Variants in CTNND2 observed in about 807,000 individuals in gnomAD.
The protein encoded by CTNND2 is catenin delta-2.
Under a neutral mutation model 144.4 loss-of-function variants are expected in CTNND2, and 22 were observed. The ratio of observed to expected loss-of-function variants is 0.15; its 90% CI spans 0.11 to 0.22. CTNND2 has a LOEUF of 0.22. Among genes scored for constraint, CTNND2 ranks in the 10% least tolerant of loss-of-function variants. The pLI, the probability that CTNND2 is intolerant of heterozygous loss-of-function variation, is 1.00. For missense variants in CTNND2, 1,353 were observed against 1,618.8 expected, an observed-to-expected ratio of 0.84 and a Z score of 2.82; for synonymous variants, 751 against 695.6, an observed-to-expected ratio of 1.08 and a Z score of -1.25.
chr5:11,802,653 T>C (rs1024752214), intron 1 of CTNND2, among the ~76,000 whole-genome samples: 3 of 152,228 alleles, frequency 2.0e-5, no homozygotes, highest in Non-Finnish European at 2.9e-5. Context: ...TGTATACACT[T>C]TACCAGGTCA....
Position 11,793,374 on chromosome 5 carries a change from A to C in CTNND2, c.38-61102T>G, listed in dbSNP as rs80051241. 6.2e-3 allele frequency among the ~76,000 whole-genome samples: 940 copies of C among 152,320 alleles called. 3 individuals carry two copies. The highest frequency in any genetic ancestry group is 0.011 in the Non-Finnish European group (762 of 68,026). On this transcript the variant is annotated intron_variant, in intron 1 of 21. Coordinates refer to ENST00000304623, the MANE Select transcript of CTNND2 (RefSeq NM_001332.4). ...CACACAGTATTATTGGTTACAGGAT[A>C]AACTGTGTCCCTCCCAAGATTCATA...
At chr5:11,274,078 C>G (rs16901427) in intron 9 of CTNND2, among the ~76,000 whole-genome samples, 1 of 152,078 alleles carries the variant, frequency 6.6e-6, no homozygotes, top group African/African-American at 2.4e-5. Context: ...GACTTCTCTT[C>G]AGAACACGCT....
Position 11,129,207 on chromosome 5 carries a change from ATT to A in CTNND2, c.2160-11642_2160-11641del, listed in dbSNP as rs1195874904. Among the ~76,000 whole-genome samples, 9 of 38,200 alleles carry A rather than the reference ATT, an allele frequency of 2.4e-4. No individual in the cohort carries two copies. In the East Asian group the frequency reaches 8.8e-3, roughly 37 times the overall value. The allele number at this position is 38,200 out of a possible 152,430, so 25.1% of individuals were successfully genotyped here. A position where few individuals can be genotyped will look rare whatever the true frequency, so the allele number is the denominator to read the frequency against. On this transcript the variant is annotated intron_variant, in intron 12 of 21. Transcript: ENST00000304623. Reference sequence around the variant, plus strand: ...ATATAATATATAATATATATTATATATTTATATATTATATATAAATATATATT... The same window carrying A: ...ATATAATATATAATATATATTATATATATATATTATATATAAATATATATT...
In CTNND2 at chr5:11,725,702, T is replaced by G. The variant is rs140713041; in HGVS notation, c.174+6434A>C. ...TAATCATTAGAGGAAAAATATATGA[T>G]TTAATTATATATCTGAGGAAATGTT... On this transcript the variant is annotated intron_variant, in intron 2 of 21. Transcript: ENST00000304623. 1.5e-3 allele frequency among the ~76,000 whole-genome samples: 224 copies of G among 152,322 alleles called. 1 individual carries two copies. Among genetic ancestry groups the G allele is most frequent in the Non-Finnish European group, 2.2e-3 (147 of 68,032 alleles).
intron 1 of CTNND2, among the ~76,000 whole-genome samples, chr5:11,754,477 A>C (rs939287184): frequency 2.0e-5 from 3 of 151,184 alleles, no homozygotes; most frequent in African/African-American, 7.3e-5. Context: ...TGTTAGATCT[A>C]TTCGGTCAAG....
intron 9 of CTNND2, among the ~76,000 whole-genome samples, chr5:11,278,545 G>A (rs1475812758): frequency 2.0e-5 from 3 of 152,134 alleles, no homozygotes; most frequent in Non-Finnish European, 4.4e-5. Flanking sequence ...AAAGCTAGTG[G>A]CCAGGAAAGA....
intron 1 of CTNND2, among the ~76,000 whole-genome samples, chr5:11,873,664 C>T (rs1330485514): frequency 6.6e-6 from 1 of 152,204 alleles, no homozygotes; most frequent in Non-Finnish European, 1.5e-5. Context: ...GCTAGTGGAG[C>T]TGAATTATCA....
At chr5:11,853,292 T>C (rs1159416526) in intron 1 of CTNND2, among the ~76,000 whole-genome samples, 2 of 152,164 alleles carry the variant, frequency 1.3e-5, no homozygotes, top group African/African-American at 4.8e-5. Context: ...AAGCTCTTCC[T>C]GGGTCTTTGT....
intron 3 of CTNND2, among the ~76,000 whole-genome samples, chr5:11,448,513 T>C (rs920753268): frequency 2.0e-5 from 3 of 152,166 alleles, no homozygotes. Context: ...TCTGTGTGTG[T>C]GTGTGTTTGC....
chr5:11,455,804 A>G (rs1205831976), intron 3 of CTNND2, among the ~76,000 whole-genome samples: 1 of 152,206 alleles, frequency 6.6e-6, no homozygotes, highest in East Asian at 1.9e-4. Context: ...TCTGCTCAGA[A>G]TTAAAGTAAT....
At position 11,094,948 on chromosome 5, in the gene CTNND2, G is replaced by A. The variant is rs545074453; in HGVS notation, c.2637+3627C>T. Among the ~76,000 whole-genome samples the A allele has an allele frequency of 4.0e-4, 61 of 152,206 alleles. No homozygotes were observed. The East Asian group carries it at 8.5e-3, about 21-fold the overall frequency. ...GTAGAGAAATTTACCAAAGAAATGC[G>A]CTCTGGATATGTGGAATAACTGTGC... On this transcript the variant is annotated intron_variant, in intron 15 of 21. Transcript: ENST00000304623.
chr5:11,886,405 C>G (rs562000337), intron 1 of CTNND2, among the ~76,000 whole-genome samples: 1 of 152,080 alleles, frequency 6.6e-6, no homozygotes, highest in South Asian at 2.1e-4. Flanking sequence ...TTCAAGACTA[C>G]TATGAATAAC....
chr5:11,718,707 G>A (rs114815512), intron 2 of CTNND2, among the ~76,000 whole-genome samples: 101 of 152,144 alleles, frequency 6.6e-4, no homozygotes, highest in Non-Finnish European at 1.3e-3. Flanking sequence ...GTGTTATCAA[G>A]GAGCTTTGAA....
chr5:11,175,388 G>A (rs1760379972), intron 11 of CTNND2, among the ~76,000 whole-genome samples: 2 of 152,076 alleles, frequency 1.3e-5, no homozygotes, highest in Admixed American at 1.3e-4. Flanking sequence ...ATGAGATTTG[G>A]GAGACAAGCT....
chr5:11,030,445 G>C (rs1363684849), intron 16 of CTNND2, among the ~76,000 whole-genome samples: 1 of 141,536 alleles, frequency 7.1e-6, no homozygotes, highest in African/African-American at 2.7e-5. Context: ...TTTTCTTTCT[G>C]TTCTCCAAAG....
At chr5:11,336,847 CAA>C (rs1197798578) in intron 9 of CTNND2, among the ~76,000 whole-genome samples, 3 of 151,984 alleles carry the variant, frequency 2.0e-5, no homozygotes, top group Non-Finnish European at 4.4e-5. Context: ...CTATATGGCA[CAA>C]ACACACACAC....
chr5:11,236,261 C>T (rs1285547901), intron 10 of CTNND2, among the ~76,000 whole-genome samples: 1 of 152,174 alleles, frequency 6.6e-6, no homozygotes, highest in Non-Finnish European at 1.5e-5. Context: ...CTTATCCTGT[C>T]AATGAGTTCT....
rs114124106 is a variant in CTNND2, at chr5:11,473,024, C to T, written c.288-60955G>A. Among the ~76,000 whole-genome samples, 1,023 of 151,684 alleles carry T rather than the reference C, an allele frequency of 6.7e-3. 16 individuals carry two copies. Among genetic ancestry groups the T allele is most frequent in the African/African-American group, 0.024 (980 of 41,296 alleles). On this transcript the variant is annotated intron_variant, in intron 3 of 21. Coordinates refer to ENST00000304623, the MANE Select transcript of CTNND2 (RefSeq NM_001332.4). ...GTAGGAGGTTGCAGTGAGCCGAGAT[C>T]GTACCACCACACTCCAGCCTGGGTG...
At chr5:11,095,629 G>A (rs771084492) in intron 15 of CTNND2, among the ~76,000 whole-genome samples, 5 of 152,216 alleles carry the variant, frequency 3.3e-5, no homozygotes, top group Non-Finnish European at 5.9e-5. Context: ...CATAAGGGGC[G>A]TACAGACTAA....
Sources: allele counts gnomAD v4.1 joint callset (sites outside exome capture counted in the v4.1 genomes callset), GRCh38; gene constraint gnomAD v4.1.1; transcripts MANE v1.5; gene names NCBI Gene and HGNC (gene_info 2026-07-23, HGNC 2026-07-21).